The following NR1H2 variants were observed in gnomAD, a reference collection of about 807,000 sequenced individuals.
NR1H2 encodes oxysterols receptor LXR-beta.
NR1H2 carries 33 observed loss-of-function variants against 51.2 expected under a neutral mutation model. That is an observed-to-expected ratio of 0.64 (90% CI 0.49 to 0.86). The LOEUF (loss-of-function observed/expected upper bound fraction) is 0.86, where lower values mean the gene tolerates loss of function less well. Among genes scored for constraint, NR1H2 ranks in the 40% least tolerant of loss-of-function variants. The probability of loss-of-function intolerance (pLI) is 0.00; values close to 1 mark genes in which losing one functional copy is unlikely to be tolerated. For missense variants in NR1H2, 592 were observed against 639.9 expected (o/e 0.93, Z 0.81); for synonymous variants, 310 against 264.3 (o/e 1.17, Z -1.68).
Position 50,382,663 on chromosome 19 carries a change from AC to A in NR1H2, c.*65del, listed in dbSNP as rs2037800493. The A allele has an allele frequency of 6.7e-7, 1 of 1,485,034 alleles. No individual in the cohort carries two copies. 92.0% of individuals were successfully genotyped at this position (1,485,034 alleles called of 1,614,324 possible). A position where few individuals can be genotyped will look rare whatever the true frequency, so the allele number is the denominator to read the frequency against. ...CACCCTCCAGCAGATAGACGCCGGCACCCCTTCCTCTTCCTAGGGTGGAAGG... is the reference window on the plus strand; with the variant it reads ...CACCCTCCAGCAGATAGACGCCGGCACCCTTCCTCTTCCTAGGGTGGAAGG... On this transcript the variant is annotated 3_prime_UTR_variant, in exon 10 of 10. Coordinates refer to ENST00000253727, the MANE Select transcript of NR1H2 (RefSeq NM_007121.7).
In NR1H2 at chr19:50,379,874, G is replaced by A. The variant is rs2037737742; in HGVS notation, c.1022G>A (p.Arg341His). 3 of 1,610,954 alleles carry A rather than the reference G, an allele frequency of 1.9e-6. No homozygotes were observed. Among genetic ancestry groups the A allele is most frequent in the Non-Finnish European group, 2.5e-6 (3 of 1,177,190 alleles). ...DFTYSKDDFH[R>H]AGLQVEFINP... ...ACCTACAGCAAGGACGACTTCCACC[G>A]TGCAGGTAGGGCCCAGGGGAGGCTT... The change falls in exon 8 of 10, where the codon CGT becomes CAT. Residue 341 changes from arginine (R) to histidine (H), a missense_variant. By Grantham distance (29) the Arg-to-His change is conservative (BLOSUM62 0). Coordinates refer to ENST00000253727, the MANE Select transcript of NR1H2 (RefSeq NM_007121.7).
rs765421658 is a variant in NR1H2 at position 50,378,406 on chromosome 19, C to T, written c.439C>T (p.Arg147Cys). 9 of 1,604,592 alleles carry T rather than the reference C, an allele frequency of 5.6e-6. No homozygotes were observed. Among genetic ancestry groups the T allele is most frequent in the South Asian group, 5.5e-5 (5 of 90,842 alleles). Residue 147 changes from arginine (R) to cysteine (C), a missense_variant, in exon 5 of 10, where the codon CGC (arginine) becomes TGC (cysteine). This residue lies in a region of NR1H2 where 316 missense variants were observed against 313.4 expected (regional missense o/e 1.01). Transcript: ENST00000253727. ...GCGCAAGTGCCAGCAGTGCCGGCTG[C>T]GCAAGTGCAAGGAGGCAGGGATGAG... ...MRRKCQQCRL[R>C]KCKEAGMREQ...
intron 7 of NR1H2, among the ~76,000 whole-genome samples, 186 bp from the exon 8 acceptor site, chr19:50,379,594 C>T (rs963299426): frequency 5.9e-5 from 9 of 152,240 alleles, no homozygotes; most frequent in African/African-American, 1.4e-4. Flanking sequence ...GTGCGGAAGC[C>T]TGAAGTGGAG....
In NR1H2 at chr19:50,382,046, G is replaced by C. The variant is rs1424729540; in HGVS notation, c.1108G>C (p.Ala370Pro). 1 of 1,561,674 alleles carries C rather than the reference G, an allele frequency of 6.4e-7. No homozygotes were observed. Among genetic ancestry groups the C allele is most frequent in the Non-Finnish European group, 8.7e-7 (1 of 1,152,944 alleles). ...GCTGGGCCTGGACGACGCTGAGTAC[G>C]CCCTGCTCATCGCCATCAACATCTT... ...RRLGLDDAEY[A>P]LLIAINIFSA... is the part of the protein sequence containing the mutation. The change falls in exon 9 of 10, where the codon GCC (alanine) becomes CCC (proline). Residue 370 changes from alanine to proline, a missense_variant. By Grantham distance (27) the Ala-to-Pro change is conservative (BLOSUM62 -1). Transcript: ENST00000253727.
chr19:50,381,904 G>T (rs1008756502), intron 8 of NR1H2, 62 bp from the exon 9 acceptor site: 43 of 1,388,910 alleles, frequency 3.1e-5, no homozygotes, highest in South Asian at 2.6e-4. Flanking sequence ...GCAGCGCCAG[G>T]GTCCAGGATG....
At chr19:50,380,396 G>A (rs1000022251) in intron 8 of NR1H2, among the ~76,000 whole-genome samples, 4 of 152,240 alleles carry the variant, frequency 2.6e-5, no homozygotes, top group Middle Eastern at 6.8e-3. Context: ...CTCTGAGAGC[G>A]CTAACCTGCG....
chr19:50,378,713 GC>G lies in NR1H2; in HGVS notation c.665del (p.Ala222ValfsTer4). ...GEGEGVQLTA[A>X]QELMIQQLVA... The stretch of plus-strand genomic sequence containing the variant: ...AGGCGAGGGTGTCCAGCTAACAGCG[GC>G]TCAAGAACTAATGATCCAGCAGTTG... On this transcript the variant is annotated frameshift_variant, in exon 6 of 10. Coordinates refer to ENST00000253727, the MANE Select transcript of NR1H2 (RefSeq NM_007121.7). LOFTEE classifies it high-confidence loss of function. 6.2e-7 allele frequency: 1 copy of G among 1,613,776 alleles called. No individual in the cohort carries two copies. Among genetic ancestry groups the G allele is most frequent in the Non-Finnish European group, 8.5e-7 (1 of 1,180,024 alleles).
chr19:50,378,604 G>C lies in NR1H2; in HGVS notation c.555G>C (p.Val185=). ...CACAGTCACAGTCGCAGTCACCTGT[G>C]GGGCCGCAGGGCAGCAGCAGCTCAG... ...QESQSQSQSP[V]GPQGSSSSAS... is the part of the protein sequence containing the mutation. The change falls in exon 6 of 10, where the codon GTG becomes GTC. Residue 185 remains valine (V), a synonymous_variant. Transcript: ENST00000253727. The C allele has an allele frequency of 5.6e-6, 9 of 1,613,910 alleles. No homozygotes were observed. Among genetic ancestry groups the C allele is most frequent in the Non-Finnish European group, 7.6e-6 (9 of 1,179,866 alleles).
At chr19:50,378,108 C>T (rs749317391) in intron 4 of NR1H2, 41 bp from the exon 5 acceptor site, 15 of 1,570,540 alleles carry the variant, frequency 9.6e-6, no homozygotes, top group African/African-American at 1.4e-5. Context: ...GTTCCTGTTT[C>T]TCCTTGTGGC....
intron 8 of NR1H2, among the ~76,000 whole-genome samples, chr19:50,380,791 C>T (rs971544485): frequency 6.6e-6 from 1 of 152,072 alleles, no homozygotes; most frequent in Non-Finnish European, 1.5e-5. Flanking sequence ...GAGAGGAGGT[C>T]GGGAATCCCA....
chr19:50,377,744 C>T lies in NR1H2; in HGVS notation c.55C>T (p.Pro19Ser), dbSNP rs756457477. 5.0e-6 allele frequency: 8 copies of T among 1,607,268 alleles called. No individual in the cohort carries two copies. In the South Asian group the frequency reaches 5.5e-5, roughly 11 times the overall value. Reference protein sequence around the residue: ...LDTPLPGNGPPQPGAPSSSPT... With the variant: ...LDTPLPGNGPSQPGAPSSSPT... ...CCACCCTCTTCCAGGAAATGGCCCC[C>T]CTCAGCCTGGCGCCCCTTCTTCTTC... is the stretch of plus-strand genomic sequence containing the variant. Residue 19 changes from proline to serine, a missense_variant, in exon 4 of 10, where the codon CCT becomes TCT. Physicochemically the swap from Pro to Ser is moderately conservative, Grantham distance 74. This residue lies in a region of NR1H2 where 316 missense variants were observed against 313.4 expected (regional missense o/e 1.01). Transcript: ENST00000253727.
chr19:50,382,252 AG>A (rs1483720536), intron 9 of NR1H2, 78 bp downstream of exon 9: 1 of 1,394,600 alleles, frequency 7.2e-7, no homozygotes, highest in Non-Finnish European at 9.5e-7. Flanking sequence ...GGGTTCTGCC[AG>A]CCACACTGCC....
In NR1H2 at chr19:50,377,737, T is replaced by C; in HGVS notation, c.48T>C (p.Asn16=). 3.1e-6 allele frequency: 5 copies of C among 1,605,516 alleles called. No individual in the cohort carries two copies. The highest frequency in any genetic ancestry group is 4.3e-6 in the Non-Finnish European group (5 of 1,175,476). ...TSSLDTPLPG[N]GPPQPGAPSS... ...CCGGATTCCACCCTCTTCCAGGAAA[T>C]GGCCCCCCTCAGCCTGGCGCCCCTT... Residue 16 remains asparagine, a synonymous_variant, in exon 4 of 10, where the codon AAT becomes AAC. Transcript: ENST00000253727.
Position 50,382,296 on chromosome 19 carries a change from C to T in NR1H2, c.1236+122C>T, listed in dbSNP as rs2037784141. ...CCGCAGAGTCTTTCCTCAGGCCCCA[C>T]CCTGCTCGACTGGGAGCCAGGTCTA... On this transcript the variant is annotated intron_variant, in intron 9 of 9. Transcript: ENST00000253727. 5 of 1,338,080 alleles carry T rather than the reference C, an allele frequency of 3.7e-6. No individual in the cohort carries two copies. In the South Asian group the frequency reaches 7.2e-5, roughly 19 times the overall value. 82.9% of individuals were successfully genotyped at this position (1,338,080 alleles called of 1,614,324 possible).
In NR1H2 at chr19:50,380,971, G is replaced by A. The variant is rs148573395; in HGVS notation, c.1028-995G>A. ...TTCCCTCCTCCGCTCAGAACCCTCC[G>A]CGGCTCCCGTCTCACTGGGAGAAGA... On this transcript the variant is annotated intron_variant, in intron 8 of 9. Transcript: ENST00000253727. Among the ~76,000 whole-genome samples, 555 of 152,234 alleles carry A rather than the reference G, an allele frequency of 3.6e-3. 9 individuals carry two copies. The highest frequency in any genetic ancestry group is 0.013 in the African/African-American group (526 of 41,556).
rs766773237 is a variant in NR1H2, at chr19:50,378,150, C to T, written c.183C>T (p.Val61=). The stretch of plus-strand genomic sequence containing the variant: ...ATGGCCTCTACCTACCCACCCCAGT[C>T]ATCCCAGATCCCGAAGAGGAACCAG... ...EASSACSTDW[V]IPDPEEEPER... The change falls in exon 5 of 10, where the codon GTC becomes GTT. Residue 61 remains valine, a splice_region_variant and synonymous_variant. Transcript: ENST00000253727. 1.9e-6 allele frequency: 3 copies of T among 1,606,314 alleles called. No homozygotes were observed. The highest frequency in any genetic ancestry group is 2.6e-6 in the Non-Finnish European group (3 of 1,175,110).
rs1254999988 is a variant in NR1H2 at position 50,382,061 on chromosome 19, A to G, written c.1123A>G (p.Ile375Val). ...DDAEYALLIA[I>V]NIFSADRPNV... ...CGCTGAGTACGCCCTGCTCATCGCC[A>G]TCAACATCTTCTCGGCCGACCGGCC... Residue 375 changes from isoleucine (I) to valine (V), a missense_variant, in exon 9 of 10, where the codon ATC (isoleucine) becomes GTC (valine). Transcript: ENST00000253727. 3.2e-6 allele frequency: 5 copies of G among 1,558,422 alleles called. No homozygotes were observed. Among genetic ancestry groups the G allele is most frequent in the African/African-American group, 1.4e-5 (1 of 73,424 alleles).
chr19:50,382,530 G>A lies in NR1H2; in HGVS notation c.1311G>A (p.Gln437=). 6.2e-7 allele frequency: 1 copy of A among 1,609,402 alleles called. No individual in the cohort carries two copies. Among genetic ancestry groups the A allele is most frequent in the Non-Finnish European group, 8.5e-7 (1 of 1,177,780 alleles). The stretch of plus-strand genomic sequence containing the variant: ...CGCTGAGCTCTGTGCACTCGGAGCA[G>A]GTCTTCGCCTTGCGGCTCCAGGACA... ...LRTLSSVHSE[Q]VFALRLQDKK... Residue 437 remains glutamine (Q), a synonymous_variant, in exon 10 of 10, where the codon CAG becomes CAA. Coordinates refer to ENST00000253727, the MANE Select transcript of NR1H2 (RefSeq NM_007121.7).
At position 50,378,328 on chromosome 19, in the gene NR1H2, A is replaced by C. The variant is rs60638904; in HGVS notation, c.361A>C (p.Arg121=). 4.4e-3 allele frequency: 7,028 copies of C among 1,612,902 alleles called. 168 individuals carry two copies. The African/African-American group carries it at 0.06, about 14-fold the overall frequency. The change falls in exon 5 of 10, where the codon AGG becomes CGG. Residue 121 remains arginine, a synonymous_variant. Transcript: ENST00000253727. ...FRRSVVRGGA[R]RYACRGGGTC... is the part of the protein sequence containing the mutation. The stretch of plus-strand genomic sequence containing the variant: ...GCGCAGTGTGGTCCGTGGTGGGGCC[A>C]GGCGCTATGCCTGCCGGGGTGGCGG...
Sources: allele counts gnomAD v4.1 joint callset (sites outside exome capture counted in the v4.1 genomes callset), GRCh38; gene constraint gnomAD v4.1.1; regional missense constraint gnomAD v4.1.1; transcripts MANE v1.5; gene names NCBI Gene and HGNC (gene_info 2026-07-23, HGNC 2026-07-21).